The following PRKCH variants were observed in gnomAD, a reference collection of about 807,000 sequenced individuals.
PRKCH encodes the protein protein kinase C eta, also known as protein kinase C eta type.
In PRKCH, 28 loss-of-function variants were observed where a neutral mutation model predicts 82.5. That is an observed-to-expected ratio of 0.34 (90% confidence interval 0.25 to 0.47). The LOEUF (loss-of-function observed/expected upper bound fraction) is 0.47. Among genes scored for constraint, PRKCH ranks in the 20% least tolerant of loss-of-function variants. The pLI, the probability that PRKCH is intolerant of heterozygous loss-of-function variation, is 1.00. For missense variants in PRKCH, 705 were observed against 881.8 expected (o/e 0.80, Z 2.54); for synonymous variants, 322 against 327.4 (o/e 0.98, Z 0.18).
intron 10 of PRKCH, among the ~76,000 whole-genome samples, chr14:61,489,895 C>T (rs376749762): frequency 6.6e-6 from 1 of 152,300 alleles, no homozygotes; most frequent in African/African-American, 2.4e-5. Context: ...CATTTCAACC[C>T]CAAACTCCTG....
chr14:61,317,725 C>G (rs2140113244), upstream of PRKCH, among the ~76,000 whole-genome samples: 1 of 152,246 alleles, frequency 6.6e-6, no homozygotes, highest in East Asian at 1.9e-4. Context: ...ACCTCCCTGG[C>G]TACTGCTTGT....
intron 1 of PRKCH, among the ~76,000 whole-genome samples, chr14:61,196,953 G>A (rs1243151079): frequency 6.6e-6 from 1 of 152,112 alleles, no homozygotes; most frequent in African/African-American, 2.4e-5. Context: ...CAGACATAGG[G>A]ACATTATTGC....
intron 1 of PRKCH, among the ~76,000 whole-genome samples, chr14:61,188,748 T>A (rs2044388287): frequency 7.1e-6 from 1 of 141,386 alleles, no homozygotes; most frequent in African/African-American, 2.6e-5. Flanking sequence ...TGATGGAGTT[T>A]TGCTCTTGTT....
At chr14:61,346,719 A>T (rs1194965156) in intron 1 of PRKCH, among the ~76,000 whole-genome samples, 1 of 152,224 alleles carries the variant, frequency 6.6e-6, no homozygotes, top group Non-Finnish European at 1.5e-5. Flanking sequence ...AATTCTGTAA[A>T]GGAATAAAGC....
intron 1 of PRKCH, among the ~76,000 whole-genome samples, chr14:61,380,776 A>G (rs1196175823): frequency 6.6e-6 from 1 of 152,182 alleles, no homozygotes; most frequent in Non-Finnish European, 1.5e-5. Context: ...GACCATTTCT[A>G]CCTTGAGCTA....
At chr14:61,236,726 A>AAAAAAAAAAAG (rs1566790085) in intron 1 of PRKCH, among the ~76,000 whole-genome samples, 1 of 147,054 alleles carries the variant, frequency 6.8e-6, no homozygotes, top group African/African-American at 2.5e-5. Context: ...AAAAAAAAAA[A>AAAAAAAAAAAG]AAAAAGAAAA....
At chr14:61,348,443 C>G (rs560095629) in intron 1 of PRKCH, among the ~76,000 whole-genome samples, 88 of 152,346 alleles carry the variant, frequency 5.8e-4, no homozygotes, top group African/African-American at 2.0e-3. Context: ...GAAACAGAAG[C>G]TTTGCCTCCA....
chr14:61,498,153 G>A (rs1343379491), intron 10 of PRKCH, among the ~76,000 whole-genome samples: 1 of 151,988 alleles, frequency 6.6e-6, no homozygotes, highest in Non-Finnish European at 1.5e-5. Context: ...GCCTGGGATT[G>A]CAGACATGCG....
chr14:61,328,663 C>T (rs553956009), intron 1 of PRKCH, among the ~76,000 whole-genome samples: 6 of 152,088 alleles, frequency 3.9e-5, no homozygotes, highest in South Asian at 2.1e-4. Flanking sequence ...ATAGAGGTGC[C>T]TGGGATTTTT....
intron 9 of PRKCH, among the ~76,000 whole-genome samples, chr14:61,485,022 C>T (rs921430699): frequency 1.3e-4 from 20 of 151,972 alleles, no homozygotes; most frequent in African/African-American, 4.8e-4. Flanking sequence ...CTGCACCCGG[C>T]CTCCACTTCT....
At position 61,550,155 on chromosome 14, in the gene PRKCH, A is replaced by C; in HGVS notation, c.*324A>C. The C allele has an allele frequency of 4.6e-6, 1 of 215,328 alleles. No individual in the cohort carries two copies. The highest frequency in any genetic ancestry group is 5.2e-5 in the Admixed American group (1 of 19,338). The allele number at this position is 215,328 out of a possible 1,614,324, so 13.3% of individuals were successfully genotyped here. A position where few individuals can be genotyped will look rare whatever the true frequency, so the allele number is the denominator to read the frequency against. On this transcript the variant is annotated 3_prime_UTR_variant, in exon 14 of 14. Transcript: ENST00000332981. ...TGTGAAGAATAAAGTAGATCTGAGA[A>C]ATTCTGAGCCAATCAGGCTTCTTAA... is the stretch of plus-strand genomic sequence containing the variant.
intron 2 of PRKCH, among the ~76,000 whole-genome samples, chr14:61,396,566 A>G (rs2046786585): frequency 6.6e-6 from 1 of 152,206 alleles, no homozygotes; most frequent in Admixed American, 6.5e-5. Flanking sequence ...TGGCAGGAAT[A>G]AGCCCAGTGC....
At chr14:61,463,335 T>G (rs976350707) in intron 9 of PRKCH, 4 of 152,136 alleles carry the variant, frequency 2.6e-5, no homozygotes, top group Admixed American at 2.6e-4. Context: ...GACACCCACA[T>G]GGAGGGGACA....
chr14:61,223,915 A>G (rs1182575834), intron 1 of PRKCH, among the ~76,000 whole-genome samples: 2 of 152,172 alleles, frequency 1.3e-5, no homozygotes, highest in African/African-American at 2.4e-5. Context: ...TATGCTAGCT[A>G]TATTTTTTAA....
chr14:61,414,822 A>C (rs751496243), intron 2 of PRKCH, among the ~76,000 whole-genome samples: 1 of 151,752 alleles, frequency 6.6e-6, no homozygotes, highest in Non-Finnish European at 1.5e-5. Flanking sequence ...CTGTCCCCAC[A>C]CTCTTGAATA....
At chr14:61,363,854 G>T (rs1317736695) in intron 1 of PRKCH, among the ~76,000 whole-genome samples, 1 of 151,410 alleles carries the variant, frequency 6.6e-6, no homozygotes, top group Non-Finnish European at 1.5e-5. Context: ...GGGTCTGGAG[G>T]TAGAATCTGT....
At chr14:61,543,031 T>G (rs537234867) in intron 12 of PRKCH, among the ~76,000 whole-genome samples, 3 of 152,358 alleles carry the variant, frequency 2.0e-5, no homozygotes, top group Admixed American at 6.5e-5. Flanking sequence ...TTAAGAAATT[T>G]GTCCACAGTC....
intron 1 of PRKCH, among the ~76,000 whole-genome samples, chr14:61,385,606 AAGTC>A (rs1479180680): frequency 6.6e-6 from 1 of 152,146 alleles, no homozygotes; most frequent in Non-Finnish European, 1.5e-5. Flanking sequence ...TTGCTGGTGA[AAGTC>A]AGGTCACACA....
At chr14:61,433,043 C>CAAAAAAAAAAAAAAAAAAAAA (rs34477992) in intron 2 of PRKCH, among the ~76,000 whole-genome samples, 3 of 110,960 alleles carry the variant, frequency 2.7e-5, no homozygotes, top group Admixed American at 9.4e-5. Context: ...CCAACCTCTT[C>CAAAAAAAAAAAAAAAAAAAAA]AAAAAAAAAA....
Sources: gnomAD v4.1 joint callset for allele counts (sites outside exome capture counted in the v4.1 genomes callset) on GRCh38, gnomAD v4.1.1 for gene constraint, MANE v1.5 for transcripts, NCBI Gene and HGNC (gene_info 2026-07-23, HGNC 2026-07-21) for gene names.